The following THSD4 variants were observed in gnomAD, a reference collection of about 807,000 sequenced individuals.
The protein encoded by THSD4 is thrombospondin type 1 domain containing 4.
In THSD4, 69 loss-of-function variants were observed where a neutral mutation model predicts 119.0. That is an observed-to-expected ratio of 0.58 (90% CI 0.48 to 0.71). The LOEUF is 0.71. THSD4 is among the 30% of genes least tolerant of loss of function. THSD4 has a pLI of 0.00. For synonymous variants in THSD4, 524 were observed against 540.4 expected, an observed-to-expected ratio of 0.97 and a Z score of 0.42; for missense variants, 1,393 against 1,391.1, an observed-to-expected ratio of 1.00 and a Z score of -0.02.
intron 7 of THSD4, among the ~76,000 whole-genome samples, chr15:71,563,168 G>A (rs1262295788): frequency 2.6e-5 from 4 of 152,118 alleles, no homozygotes; most frequent in Non-Finnish European, 4.4e-5. Context: ...CACATGATGC[G>A]TGAGTACAGC....
chr15:71,138,861 GGT>G (rs749382796), intron 1 of THSD4, among the ~76,000 whole-genome samples: 3 of 148,918 alleles, frequency 2.0e-5, no homozygotes, highest in Non-Finnish European at 4.4e-5. Flanking sequence ...GTAATTTCTT[GGT>G]GTGTGTGTGT....
chr15:71,154,880 T>C lies in THSD4; in HGVS notation c.47T>C (p.Leu16Pro). ...CTTTTCAGTGTCCTGTGTTTCCTTC[T>C]GCTGCTTGGATTCCAGTTCGTCTGC... is the stretch of plus-strand genomic sequence containing the variant. ...MGSLSVLCFL[L>P]LLGFQFVCPQ... Residue 16 changes from leucine (L) to proline (P), a missense_variant, in exon 3 of 18, where the codon CTG becomes CCG. Leu to Pro is a moderately conservative substitution (Grantham distance 98). Coordinates refer to ENST00000261862, the MANE Select transcript of THSD4 (RefSeq NM_024817.3). 1 of 1,614,196 alleles carries C rather than the reference T, an allele frequency of 6.2e-7. No individual in the cohort carries two copies. Among genetic ancestry groups the C allele is most frequent in the South Asian group, 1.1e-5 (1 of 91,086 alleles).
At chr15:71,118,881 C>T (rs1327373893) in intron 1 of THSD4, among the ~76,000 whole-genome samples, 3 of 152,186 alleles carry the variant, frequency 2.0e-5, no homozygotes, top group Non-Finnish European at 4.4e-5. Flanking sequence ...TCTTGGGATC[C>T]CCCAATTTTA....
At chr15:71,383,358 G>A (rs1481484204) in intron 6 of THSD4, among the ~76,000 whole-genome samples, 1 of 152,126 alleles carries the variant, frequency 6.6e-6, no homozygotes, top group Non-Finnish European at 1.5e-5. Context: ...AGCAAAGCTA[G>A]GTAGAACATT....
At chr15:71,666,755 T>C (rs944337258) in intron 8 of THSD4, among the ~76,000 whole-genome samples, 1 of 152,232 alleles carries the variant, frequency 6.6e-6, no homozygotes, top group African/African-American at 2.4e-5. Flanking sequence ...AACGGAGGCA[T>C]GTATTCCAGA....
chr15:71,190,051 G>A (rs966050623), intron 3 of THSD4, among the ~76,000 whole-genome samples: 4 of 152,118 alleles, frequency 2.6e-5, no homozygotes, highest in Non-Finnish European at 4.4e-5. Flanking sequence ...AGCTAGACCC[G>A]GGATGGCTAC....
intron 6 of THSD4, among the ~76,000 whole-genome samples, chr15:71,375,998 C>A (rs2046131234): frequency 6.6e-6 from 1 of 152,212 alleles, no homozygotes; most frequent in African/African-American, 2.4e-5. Context: ...ACCGACTAGG[C>A]CCTACCTGCG....
chr15:71,634,544 A>C (rs1327865759), intron 7 of THSD4, among the ~76,000 whole-genome samples: 1 of 152,224 alleles, frequency 6.6e-6, no homozygotes, highest in Non-Finnish European at 1.5e-5. Flanking sequence ...TAATATTCTT[A>C]AATCCCCATA....
chr15:71,167,379 A>T (rs2043303695), intron 3 of THSD4, among the ~76,000 whole-genome samples: 1 of 152,224 alleles, frequency 6.6e-6, no homozygotes, highest in Admixed American at 6.5e-5. Flanking sequence ...TTCCAATAAA[A>T]CTTTATTTAC....
At chr15:71,357,103 G>A (rs998044255) in intron 6 of THSD4, among the ~76,000 whole-genome samples, 12 of 152,152 alleles carry the variant, frequency 7.9e-5, no homozygotes, top group Non-Finnish European at 1.8e-4. Context: ...TGGCTTGTGG[G>A]CCAAGAAAAC....
chr15:71,561,622 A>G (rs1462378997), intron 7 of THSD4, among the ~76,000 whole-genome samples: 2 of 152,198 alleles, frequency 1.3e-5, no homozygotes, highest in African/African-American at 4.8e-5. Flanking sequence ...TCCGGAGTGT[A>G]GCTCCAAATT....
At chr15:71,390,636 C>T (rs2046364047) in intron 6 of THSD4, among the ~76,000 whole-genome samples, 4 of 152,110 alleles carry the variant, frequency 2.6e-5, no homozygotes, top group Admixed American at 2.6e-4. Context: ...TTTGTCAGAG[C>T]TCTGCCCTGA....
intron 7 of THSD4, among the ~76,000 whole-genome samples, chr15:71,532,283 A>AGAGAGAGAGAGAGAGAGAGAGAGAGG (rs1379506089): frequency 9.8e-6 from 1 of 101,574 alleles, no homozygotes; most frequent in Non-Finnish European, 2.1e-5. Context: ...AGAGAGAGAG[A>AGAGAGAGAGAGAGAGAGAGAGAGAGG]GTGTGTGTGT....
At chr15:71,728,419 C>T in intron 8 of THSD4, 130 bp from the exon 9 acceptor site, 1 of 1,132,182 alleles carries the variant, frequency 8.8e-7, no homozygotes, top group Non-Finnish European at 1.3e-6. Flanking sequence ...GGGCCTGGAT[C>T]ATTGCCTGGC....
chr15:71,231,056 C>T (rs1367560056), intron 4 of THSD4, among the ~76,000 whole-genome samples: 1 of 152,200 alleles, frequency 6.6e-6, no homozygotes, highest in Non-Finnish European at 1.5e-5. Flanking sequence ...CCGTATTCCA[C>T]TCCTCCGGGC....
At position 71,735,463 on chromosome 15, in the gene THSD4, T is replaced by G. The variant is rs547602159; in HGVS notation, c.1631-2269T>G. Among the ~76,000 whole-genome samples, 404 of 151,164 alleles carry G rather than the reference T, an allele frequency of 2.7e-3. 2 individuals are homozygous for G. The highest frequency in any genetic ancestry group is 9.5e-3 in the African/African-American group (391 of 41,266). On this transcript the variant is annotated intron_variant, in intron 10 of 17. Coordinates refer to ENST00000261862, the MANE Select transcript of THSD4 (RefSeq NM_024817.3). The stretch of plus-strand genomic sequence containing the variant: ...CTCTCTCTTTCTCACTCTCTCTCTC[T>G]CTCTCTCTTTCTCACTAGCTCTCTG...
chr15:71,228,272 G>A (rs917760122), intron 4 of THSD4, among the ~76,000 whole-genome samples: 3 of 152,044 alleles, frequency 2.0e-5, no homozygotes, highest in Admixed American at 6.5e-5. Context: ...ACTTGAAGAT[G>A]CAGCTCTTGA....
At chr15:71,664,028 G>C (rs1039383094) in intron 8 of THSD4, among the ~76,000 whole-genome samples, 8 of 151,740 alleles carry the variant, frequency 5.3e-5, no homozygotes, top group Admixed American at 2.0e-4. Flanking sequence ...TGTCGCCCAG[G>C]CTGGAGTGCA....
chr15:71,440,723 G>A (rs930915077), intron 7 of THSD4, among the ~76,000 whole-genome samples: 1 of 152,058 alleles, frequency 6.6e-6, no homozygotes, highest in African/African-American at 2.4e-5. Context: ...CAGCTCATAG[G>A]GAAACCAGCA....
Sources: gnomAD v4.1 joint callset for allele counts (sites outside exome capture counted in the v4.1 genomes callset) on GRCh38, gnomAD v4.1.1 for gene constraint, MANE v1.5 for transcripts, NCBI Gene and HGNC (gene_info 2026-07-23, HGNC 2026-07-21) for gene names.